Variants in MEI4 observed in about 807,000 individuals in gnomAD.
MEI4 encodes meiosis-specific protein MEI4.
Under a neutral mutation model 31.4 loss-of-function variants are expected in MEI4, and 27 were observed. That is an observed-to-expected ratio of 0.86 (90% CI 0.63 to 1.19). The LOEUF is 1.19. MEI4 is among the 50% of genes most tolerant of loss of function. The pLI, the probability that MEI4 is intolerant of heterozygous loss-of-function variation, is 0.00. For synonymous variants in MEI4, 122 were observed against 145.4 expected, an observed-to-expected ratio of 0.84 and a Z score of 1.16; for missense variants, 329 against 398.9, an observed-to-expected ratio of 0.82 and a Z score of 1.49.
chr6:77,872,633 G>A (rs962002339), intron 4 of MEI4, among the ~76,000 whole-genome samples: 18 of 150,716 alleles, frequency 1.2e-4, no homozygotes, highest in Non-Finnish European at 2.1e-4. Flanking sequence ...ACAATGTGCA[G>A]GTTAGTTACA....
chr6:77,853,715 G>A (rs1006722142), intron 4 of MEI4, among the ~76,000 whole-genome samples: 57 of 152,242 alleles, frequency 3.7e-4, no homozygotes, highest in African/African-American at 1.3e-3. Context: ...CCCCTCACAT[G>A]TATGTTTCAT....
At chr6:77,800,720 A>C (rs62415495) in intron 3 of MEI4, among the ~76,000 whole-genome samples, 20,888 of 152,120 alleles carry the variant, frequency 0.14, 1,496 homozygotes, top group Middle Eastern at 0.21. Context: ...GAATTTTGTC[A>C]AAGGCCTTTT....
intron 1 of MEI4, among the ~76,000 whole-genome samples, chr6:77,671,173 T>TA (rs1284670414): frequency 6.6e-6 from 1 of 151,490 alleles, no homozygotes; most frequent in Non-Finnish European, 1.5e-5. Context: ...TCTCATGCCT[T>TA]AGCCTCCTGA....
chr6:77,774,760 T>C (rs547763603), intron 3 of MEI4, among the ~76,000 whole-genome samples: 2 of 151,978 alleles, frequency 1.3e-5, no homozygotes, highest in Non-Finnish European at 2.9e-5. Context: ...CTCTACTCTT[T>C]ACTCATAATA....
At chr6:77,886,371 A>G (rs530799987) in intron 4 of MEI4, among the ~76,000 whole-genome samples, 1 of 151,912 alleles carries the variant, frequency 6.6e-6, no homozygotes, top group East Asian at 1.9e-4. Context: ...TGTCTTCTCA[A>G]GTCAATCTTG....
chr6:77,655,719 T>C (rs1426914154), intron 1 of MEI4, among the ~76,000 whole-genome samples: 2 of 152,166 alleles, frequency 1.3e-5, no homozygotes, highest in Non-Finnish European at 2.9e-5. Context: ...GGAGCACTAT[T>C]TAAAGTAATT....
chr6:77,914,006 C>T (rs1766487939), intron 4 of MEI4, among the ~76,000 whole-genome samples: 2 of 146,386 alleles, frequency 1.4e-5, no homozygotes, highest in Non-Finnish European at 3.0e-5. Flanking sequence ...TGCACTCCAT[C>T]CTGGCCAGCA....
chr6:77,713,711 G>A (rs574329574), intron 2 of MEI4, among the ~76,000 whole-genome samples: 329 of 152,168 alleles, frequency 2.2e-3, no homozygotes, highest in Non-Finnish European at 3.9e-3. Flanking sequence ...TCTCGATTCC[G>A]TTTCTGTATT....
chr6:77,780,644 C>G (rs941344246), intron 3 of MEI4, among the ~76,000 whole-genome samples: 5 of 152,130 alleles, frequency 3.3e-5, no homozygotes, highest in African/African-American at 1.2e-4. Context: ...GTTAATTAAT[C>G]TACTGTTTAT....
intron 4 of MEI4, among the ~76,000 whole-genome samples, chr6:77,832,202 C>T (rs1446923379): frequency 6.6e-6 from 1 of 151,952 alleles, no homozygotes; most frequent in African/African-American, 2.4e-5. Flanking sequence ...CTTTTATACT[C>T]AGTGTTTTAG....
chr6:77,735,128 C>T (rs1007259800), intron 2 of MEI4, among the ~76,000 whole-genome samples: 4 of 151,828 alleles, frequency 2.6e-5, no homozygotes, highest in Non-Finnish European at 5.9e-5. Flanking sequence ...TTGCTCTTCT[C>T]GAGGAGTATC....
At chr6:77,919,734 A>G (rs1581982771) in intron 4 of MEI4, among the ~76,000 whole-genome samples, 1 of 150,254 alleles carries the variant, frequency 6.7e-6, no homozygotes, top group South Asian at 2.1e-4. Flanking sequence ...AGGATCAACA[A>G]AATTGATAGA....
At chr6:77,908,972 A>AG (rs1342012244) in intron 4 of MEI4, among the ~76,000 whole-genome samples, 2 of 152,100 alleles carry the variant, frequency 1.3e-5, no homozygotes, top group African/African-American at 2.4e-5. Context: ...AAGGATATCC[A>AG]GAACTGAACT....
At chr6:77,828,774 A>G (rs577497183) in intron 3 of MEI4, among the ~76,000 whole-genome samples, 157 bp from the exon 4 acceptor site, 4 of 152,332 alleles carry the variant, frequency 2.6e-5, no homozygotes, top group Non-Finnish European at 4.4e-5. Context: ...CTAGAATATT[A>G]TAATTTGTGT....
intron 4 of MEI4, among the ~76,000 whole-genome samples, chr6:77,914,455 ATACT>A (rs1263060860): frequency 6.6e-6 from 1 of 151,162 alleles, no homozygotes; most frequent in Non-Finnish European, 1.5e-5. Flanking sequence ...GTCACAGAAG[ATACT>A]TAATACTAAT....
rs141206337 is a variant in MEI4 at position 77,841,683 on chromosome 6, A to G, written c.900+12621A>G. On this transcript the variant is annotated intron_variant, in intron 4 of 4. Transcript: ENST00000684080. ...TATCCTCTAGAACAAAATAATAAAG[A>G]CCTTTAACAAAAAATAATTAAAGTG... Among the ~76,000 whole-genome samples, 211 of 152,050 alleles carry G rather than the reference A, an allele frequency of 1.4e-3. 1 individual carries two copies. Among genetic ancestry groups the G allele is most frequent in the African/African-American group, 4.5e-3 (185 of 41,404 alleles).
chr6:77,907,369 T>C (rs574867870), intron 4 of MEI4, among the ~76,000 whole-genome samples: 43 of 152,236 alleles, frequency 2.8e-4, no homozygotes, highest in African/African-American at 1.0e-3. Context: ...TTCCCACCTA[T>C]GAGTGAGAAC....
At chr6:77,733,637 C>T (rs1257600265) in intron 2 of MEI4, among the ~76,000 whole-genome samples, 4 of 151,774 alleles carry the variant, frequency 2.6e-5, no homozygotes, top group Non-Finnish European at 4.4e-5. Flanking sequence ...TTCAGTTCTG[C>T]TCTGATTTTA....
intron 4 of MEI4, among the ~76,000 whole-genome samples, chr6:77,916,374 G>A (rs755020763): frequency 5.9e-5 from 9 of 151,870 alleles, no homozygotes; most frequent in Non-Finnish European, 1.3e-4. Context: ...TATATCAGTT[G>A]CTTTTCCCAT....
Sources: allele counts gnomAD v4.1 joint callset (sites outside exome capture counted in the v4.1 genomes callset), GRCh38; gene constraint gnomAD v4.1.1; transcripts MANE v1.5; gene names NCBI Gene and HGNC (gene_info 2026-07-23, HGNC 2026-07-21).